FLT4: variants seen among roughly 807,000 people sequenced by gnomAD.
FLT4 encodes the protein vascular endothelial growth factor receptor 3.
In FLT4, 30 loss-of-function variants were observed where a neutral mutation model predicts 163.2. The observed-to-expected ratio is 0.18, with a 90% CI of 0.14 to 0.25. The LOEUF is 0.25. FLT4 is among the 10% of genes least tolerant of loss of function. FLT4 has a pLI of 1.00. For missense variants in FLT4, 1,510 were observed against 1,863.8 expected (o/e 0.81, Z 3.50); for synonymous variants, 884 against 789.5 (o/e 1.12, Z -2.01).
intron 6 of FLT4, 77 bp downstream of exon 6, chr5:180,629,619 C>T (rs2127835010): frequency 2.6e-6 from 4 of 1,543,396 alleles, no homozygotes; most frequent in South Asian, 2.3e-5. Flanking sequence ...ACATCCTCCA[C>T]GCGGAGGCCC....
At chr5:180,606,184 ATG>A (rs779618401) in intron 29 of FLT4, among the ~76,000 whole-genome samples, 114 of 152,272 alleles carry the variant, frequency 7.5e-4, no homozygotes, top group Middle Eastern at 3.4e-3. Flanking sequence ...CAAATCCATC[ATG>A]TGTCTTCTTC....
In FLT4 at chr5:180,611,370, T is replaced by C. The variant is rs776229820; in HGVS notation, c.3647A>G (p.Asp1216Gly). ...GTGGCGCTGCAGGCTTGGCGGGCTG[T>C]CCTCAGCGTCAGCCTGGGCGATGTG... Reference protein sequence around the residue: ...ALHIAQADAEDSPPSLQRHSL... With the variant: ...ALHIAQADAEGSPPSLQRHSL... The change falls in exon 27 of 30, where the codon GAC (aspartate) becomes GGC (glycine). Residue 1216 changes from aspartate (D) to glycine (G), a missense_variant. Asp to Gly is a moderately conservative substitution (Grantham distance 94, BLOSUM62 -1). This residue lies in a region of FLT4 where 295 missense variants were observed against 311.0 expected (regional missense o/e 0.95). Transcript: ENST00000261937. 1.0e-4 allele frequency: 165 copies of C among 1,613,704 alleles called. No individual in the cohort carries two copies. Among genetic ancestry groups the C allele is most frequent in the Non-Finnish European group, 1.3e-4 (153 of 1,179,970 alleles).
chr5:180,608,100 G>C (rs1352251646), intron 29 of FLT4: 1 of 700,286 alleles, frequency 1.4e-6, no homozygotes, highest in Non-Finnish European at 2.6e-6. Context: ...CCCTCCCTGT[G>C]GTGCTTCAGT....
intron 29 of FLT4, chr5:180,608,382 A>G (rs1013969820): frequency 2.9e-6 from 2 of 698,470 alleles, no homozygotes; most frequent in African/African-American, 3.5e-5. Flanking sequence ...CTTGTCTTGC[A>G]TGCAATAAAT....
intron 8 of FLT4, among the ~76,000 whole-genome samples, chr5:180,627,728 G>A (rs768483690): frequency 5.3e-5 from 8 of 152,182 alleles, no homozygotes; most frequent in East Asian, 3.9e-4. Context: ...GACCCTGGAC[G>A]CAACAGAGCT....
rs536884524 is a variant in FLT4 at position 180,627,259 on chromosome 5, G to A, written c.1104-994C>T. ...CCCTCGGGCAGAGACCAACAGAGAA[G>A]GGGAGGCAGGGGCCCATTCTCAACT... On this transcript the variant is annotated intron_variant, in intron 8 of 29. Transcript: ENST00000261937. Among the ~76,000 whole-genome samples the A allele has an allele frequency of 8.5e-5, 13 of 152,302 alleles. 1 individual carries two copies. The South Asian group carries it at 2.7e-3, about 32-fold the overall frequency.
intron 1 of FLT4, among the ~76,000 whole-genome samples, chr5:180,642,250 C>T (rs1765187505): frequency 6.6e-6 from 1 of 151,752 alleles, no homozygotes; most frequent in African/African-American, 2.4e-5. Context: ...CTCATGCACA[C>T]GGATCCCTCT....
chr5:180,607,638 CAAA>C (rs36124722), intron 29 of FLT4, among the ~76,000 whole-genome samples: 1 of 132,040 alleles, frequency 7.6e-6, no homozygotes. Context: ...GAGACTGTCT[CAAA>C]AAAAAAAAAA....
intron 18 of FLT4, 23 bp downstream of exon 18, chr5:180,619,642 C>T: frequency 6.3e-7 from 1 of 1,589,520 alleles, no homozygotes; most frequent in South Asian, 1.1e-5. Flanking sequence ...CTAGGCTGCC[C>T]CTTCCGCCCG....
At position 180,622,750 on chromosome 5, in the gene FLT4, G is replaced by A; in HGVS notation, c.1638C>T (p.Leu546=). 2 of 1,611,438 alleles carry A rather than the reference G, an allele frequency of 1.2e-6. No individual in the cohort carries two copies. The highest frequency in any genetic ancestry group is 1.7e-6 in the Non-Finnish European group (2 of 1,178,034). The part of the protein sequence containing the change: ...VSNKVGQDER[L]IYFYVTTIPD... ...ACTCACTGGTCACATAGAAGTAGAT[G>A]AGCCGCTCATCCTGGCCCACCTTGT... Residue 546 remains leucine, a synonymous_variant, in exon 12 of 30, where the codon CTC becomes CTT. Coordinates refer to ENST00000261937, the MANE Select transcript of FLT4 (RefSeq NM_182925.5).
At chr5:180,629,492 C>T in intron 6 of FLT4, 65 bp from the exon 7 acceptor site, 1 of 1,582,266 alleles carries the variant, frequency 6.3e-7, no homozygotes, top group Non-Finnish European at 8.6e-7. Context: ...CCACCGAAGG[C>T]ACACCTCCCA....
In FLT4 at chr5:180,603,251, C is replaced by T. The variant is rs781063816; in HGVS notation, c.4033G>A (p.Glu1345Lys). 45 of 1,614,084 alleles carry T rather than the reference C, an allele frequency of 2.8e-5. No homozygotes were observed. The highest frequency in any genetic ancestry group is 6.7e-5 in the African/African-American group (5 of 74,958). Reference sequence around the variant, plus strand: ...GCAGACGGGGAGCAGTGGTCCTCCTCGCTTGGCTCCGACAGCTCCCCATAC... The same window carrying T: ...GCAGACGGGGAGCAGTGGTCCTCCTTGCTTGGCTCCGACAGCTCCCCATAC... ...SEYGELSEPS[E>K]EDHCSPSARV... Residue 1345 changes from glutamate (E) to lysine (K), a missense_variant, in exon 30 of 30, where the codon GAG (glutamate) becomes AAG (lysine). Coordinates refer to ENST00000261937, the MANE Select transcript of FLT4 (RefSeq NM_182925.5).
At chr5:180,641,096 C>T (rs1765064519) in intron 1 of FLT4, among the ~76,000 whole-genome samples, 1 of 152,238 alleles carries the variant, frequency 6.6e-6, no homozygotes, top group South Asian at 2.1e-4. Context: ...GCCTCCCAGG[C>T]CCCTGCTCTC....
chr5:180,649,657 C>G, upstream of FLT4: 2 of 387,568 alleles, frequency 5.2e-6, no homozygotes, highest in Non-Finnish European at 7.5e-6. Flanking sequence ...GGGCCGGAGG[C>G]GGGCCCGGGA....
Position 180,619,514 on chromosome 5 carries a change from T to A in FLT4, c.2648-148A>T. 3.1e-6 allele frequency: 3 copies of A among 966,522 alleles called. 1 individual carries two copies. The South Asian group carries it at 3.9e-5, about 12-fold the overall frequency. 59.9% of individuals were successfully genotyped at this position (966,522 alleles called of 1,614,324 possible). ...AGGCAGAGGGGGTTCGGGTGGTCCC[T>A]CGGCTCTGAAGCCCGCAGCCTCCCT... On this transcript the variant is annotated intron_variant, in intron 18 of 29. Transcript: ENST00000261937.
Position 180,621,577 on chromosome 5 carries a change from T to C in FLT4, c.1985A>G (p.Asp662Gly), listed in dbSNP as rs1763149431. 6.2e-7 allele frequency: 1 copy of C among 1,612,018 alleles called. No individual in the cohort carries two copies. The highest frequency in any genetic ancestry group is 2.2e-5 in the East Asian group (1 of 44,838). The part of the protein sequence containing the change: ...VCEVQDRRSH[D>G]KHCHKKYLSV... ...CAGGTACTTCTTGTGGCAGTGCTTG[T>C]CATGGCTGCGCCGGTCTTGCACTTC... Residue 662 changes from aspartate to glycine, a missense_variant, in exon 13 of 30, where the codon GAC becomes GGC. By Grantham distance (94) the Asp-to-Gly change is moderately conservative. Around this residue, in one of 5 missense-constraint regions of FLT4, gnomAD observed 878 missense variants for 1,016.7 expected, o/e 0.86. Transcript: ENST00000261937.
At chr5:180,614,766 G>T (rs1008417171) in intron 23 of FLT4, among the ~76,000 whole-genome samples, 2 of 152,134 alleles carry the variant, frequency 1.3e-5, no homozygotes, top group African/African-American at 4.8e-5. Flanking sequence ...CATAAGGGAG[G>T]TTTTTGTAAC....
At chr5:180,615,488 C>T (rs113915720) in intron 23 of FLT4, among the ~76,000 whole-genome samples, 4 of 129,526 alleles carry the variant, frequency 3.1e-5, no homozygotes, top group African/African-American at 2.9e-5. Flanking sequence ...CACTGTCTTT[C>T]GGAGCACTGG....
chr5:180,649,226 T>G (rs1765630305), intron 1 of FLT4, among the ~76,000 whole-genome samples: 1 of 151,714 alleles, frequency 6.6e-6, no homozygotes, highest in Non-Finnish European at 1.5e-5. Flanking sequence ...AGACGCGGAT[T>G]CAGGGGCCGG....
Sources: allele counts gnomAD v4.1 joint callset (sites outside exome capture counted in the v4.1 genomes callset), GRCh38; gene constraint gnomAD v4.1.1; regional missense constraint gnomAD v4.1.1; transcripts MANE v1.5; gene names NCBI Gene and HGNC (gene_info 2026-07-23, HGNC 2026-07-21).